The following STIM1 variants were observed in gnomAD, a reference collection of about 807,000 sequenced individuals.
STIM1 encodes the protein stromal interaction molecule 1.
Under a neutral mutation model 74.7 loss-of-function variants are expected in STIM1, and 25 were observed. That is an observed-to-expected ratio of 0.33 (90% CI 0.24 to 0.47). The LOEUF (loss-of-function observed/expected upper bound fraction) is 0.47. Among genes scored for constraint, STIM1 ranks in the 20% least tolerant of loss-of-function variants. STIM1 has a pLI of 1.00. For missense variants in STIM1, 728 were observed against 920.8 expected (o/e 0.79, Z 2.71); for synonymous variants, 328 against 348.8 (o/e 0.94, Z 0.66).
intron 2 of STIM1, among the ~76,000 whole-genome samples, chr11:3,998,022 G>C (rs1590632866): frequency 6.6e-6 from 1 of 152,248 alleles, no homozygotes; most frequent in East Asian, 1.9e-4. Context: ...TTACATATGA[G>C]GGATCAGCAT....
chr11:3,998,709 C>A (rs1424158943), intron 2 of STIM1, among the ~76,000 whole-genome samples: 2 of 152,000 alleles, frequency 1.3e-5, no homozygotes, highest in East Asian at 3.8e-4. Context: ...ACTAAGGGAA[C>A]AAATAGGATA....
chr11:3,996,579 C>G (rs1285423853), intron 2 of STIM1, among the ~76,000 whole-genome samples: 2 of 152,164 alleles, frequency 1.3e-5, no homozygotes, highest in Admixed American at 6.5e-5. Flanking sequence ...CTGTGTTTAG[C>G]TGCATCAGTG....
At chr11:3,938,496 A>G (rs771360049) in intron 1 of STIM1, among the ~76,000 whole-genome samples, 11 of 152,186 alleles carry the variant, frequency 7.2e-5, no homozygotes, top group Admixed American at 1.3e-4. Context: ...CTGTCCCAGA[A>G]TGATTTAATG....
chr11:3,986,171 A>T (rs1320146346), intron 2 of STIM1, among the ~76,000 whole-genome samples: 1 of 152,228 alleles, frequency 6.6e-6, no homozygotes, highest in Non-Finnish European at 1.5e-5. Context: ...AAAAAAATAC[A>T]TATTCAATCC....
intron 2 of STIM1, 72 bp from the exon 3 acceptor site, chr11:4,023,801 G>T (rs1385069264): frequency 1.8e-6 from 2 of 1,113,926 alleles, no homozygotes; most frequent in East Asian, 4.9e-5. Flanking sequence ...CTAGAGGCAG[G>T]TGACCTGTGT....
Position 4,047,140 on chromosome 11 carries a change from A to T in STIM1, c.386-8386A>T, listed in dbSNP as rs544706519. Among the ~76,000 whole-genome samples the T allele has an allele frequency of 6.5e-4, 99 of 152,324 alleles. 1 individual carries two copies. The highest frequency in any genetic ancestry group is 2.3e-3 in the African/African-American group (97 of 41,570). The stretch of plus-strand genomic sequence containing the variant: ...TTAGTTCAGAAACAGTGGATGAGCA[A>T]AAATGAACAGGACACATTCCGTGCC... On this transcript the variant is annotated intron_variant, in intron 3 of 12. Coordinates refer to ENST00000526596, the MANE Select transcript of STIM1 (RefSeq NM_001382567.1).
chr11:4,083,914 T>C (rs2094478610), intron 10 of STIM1, among the ~76,000 whole-genome samples: 3 of 152,250 alleles, frequency 2.0e-5, no homozygotes, highest in Admixed American at 2.0e-4. Context: ...GAATGATGTT[T>C]CTTTTTGTGT....
At position 3,901,835 on chromosome 11, in the gene STIM1, A is replaced by G. The variant is rs2092356700; in HGVS notation, c.139+45426A>G. Reference sequence around the variant, plus strand: ...CACTCCAGCAGTGCAGCCACAGCTCACTGCACCCTTGACTTCCTGGGCTCA... The same window carrying G: ...CACTCCAGCAGTGCAGCCACAGCTCGCTGCACCCTTGACTTCCTGGGCTCA... On this transcript the variant is annotated intron_variant, in intron 1 of 12. Coordinates refer to ENST00000526596, the MANE Select transcript of STIM1 (RefSeq NM_001382567.1). Among the ~76,000 whole-genome samples the G allele has an allele frequency of 2.0e-5, 3 of 152,276 alleles. No homozygotes were observed. The South Asian group carries it at 6.2e-4, about 32-fold the overall frequency.
intron 3 of STIM1, among the ~76,000 whole-genome samples, chr11:4,028,549 C>T (rs559403748): frequency 6.6e-6 from 1 of 151,926 alleles, no homozygotes; most frequent in African/African-American, 2.4e-5. Context: ...GCTGGGATTA[C>T]AGGCGTGAAC....
chr11:3,989,276 G>C, intron 2 of STIM1: 1 of 920,472 alleles, frequency 1.1e-6, no homozygotes, highest in East Asian at 2.4e-5. Flanking sequence ...ACTTCGGCCT[G>C]TTTTCCCTTT....
intron 1 of STIM1, among the ~76,000 whole-genome samples, chr11:3,959,437 C>CTTCA (rs895101528): frequency 3.7e-4 from 56 of 152,174 alleles, no homozygotes; most frequent in African/African-American, 1.3e-3. Context: ...TTCACACATT[C>CTTCA]TTCATTCATT....
chr11:4,070,413 A>G (rs980248518), intron 6 of STIM1, among the ~76,000 whole-genome samples: 3 of 152,210 alleles, frequency 2.0e-5, no homozygotes, highest in Non-Finnish European at 4.4e-5. Context: ...ACTTGTTTCT[A>G]TCTTTTTTGC....
intron 1 of STIM1, among the ~76,000 whole-genome samples, chr11:3,888,850 C>T (rs1288924983): frequency 1.3e-5 from 2 of 152,074 alleles, no homozygotes; most frequent in African/African-American, 4.8e-5. Flanking sequence ...CCATGCCCGG[C>T]CGCCGTGTAG....
At chr11:3,962,297 A>G (rs2093295047) in intron 1 of STIM1, among the ~76,000 whole-genome samples, 1 of 151,798 alleles carries the variant, frequency 6.6e-6, no homozygotes, top group African/African-American at 2.4e-5. Context: ...GTCCCCCTAT[A>G]CACATTGTTT....
Position 4,089,031 on chromosome 11 carries a change from AG to A in STIM1, c.1635-2250del, listed in dbSNP as rs770215565. 583 of 325,866 alleles carry A rather than the reference AG, an allele frequency of 1.8e-3. 1 individual carries two copies. The highest frequency in any genetic ancestry group is 2.9e-3 in the Non-Finnish European group (477 of 166,352). The allele number at this position is 325,866 out of a possible 1,614,324, so 20.2% of individuals were successfully genotyped here. A position where few individuals can be genotyped will look rare whatever the true frequency, so the allele number is the denominator to read the frequency against. ...AGGACTGCTTAAGCCCAGGAGTTTG[AG>A]ACCAGCCTGGGAAACAAAGTGAGAC... On this transcript the variant is annotated intron_variant, in intron 12 of 12. Transcript: ENST00000526596.
chr11:4,029,682 G>T (rs971357259), intron 3 of STIM1, among the ~76,000 whole-genome samples: 4 of 152,124 alleles, frequency 2.6e-5, no homozygotes, highest in African/African-American at 9.7e-5. Context: ...TTCAGGGTTG[G>T]TTACCACCTG....
intron 3 of STIM1, among the ~76,000 whole-genome samples, chr11:4,037,266 G>C (rs969749700): frequency 6.6e-6 from 1 of 152,036 alleles, no homozygotes; most frequent in African/African-American, 2.4e-5. Context: ...ATGTTGACTG[G>C]TCTCGAACTC....
chr11:3,895,684 T>C (rs1197127890), intron 1 of STIM1, among the ~76,000 whole-genome samples: 1 of 32,244 alleles, frequency 3.1e-5, no homozygotes. Flanking sequence ...CCTTCCTTCC[T>C]TCTTTCTTTC....
rs1451579757 is a variant in STIM1, at chr11:3,936,869, G to A, written c.140-30683G>A. ...AGAGAAAACCAACTTGTTTTTCTTT[G>A]TGGCTTCAGAAGGGGTAATTAGAAC... On this transcript the variant is annotated intron_variant, in intron 1 of 12. Coordinates refer to ENST00000526596, the MANE Select transcript of STIM1 (RefSeq NM_001382567.1). 2.0e-5 allele frequency among the ~76,000 whole-genome samples: 3 copies of A among 152,272 alleles called. No individual in the cohort carries two copies. In the East Asian group the frequency reaches 5.8e-4, roughly 29 times the overall value.
Sources: allele counts gnomAD v4.1 joint callset (sites outside exome capture counted in the v4.1 genomes callset), GRCh38; gene constraint gnomAD v4.1.1; transcripts MANE v1.5; gene names NCBI Gene and HGNC (gene_info 2026-07-23, HGNC 2026-07-21).